The following NRL variants were observed in gnomAD, a reference collection of about 807,000 sequenced individuals.
NRL encodes the protein neural retina leucine zipper.
NRL carries 16 observed loss-of-function variants against 12.5 expected under a neutral mutation model. That is an observed-to-expected ratio of 1.28 (90% confidence interval 0.87 to 1.95). NRL has a LOEUF of 1.95. Ranked by LOEUF, NRL falls within the 30% of genes most tolerant of loss-of-function variation. NRL has a pLI of 0.00. For synonymous variants in NRL, 142 were observed against 150.9 expected, an observed-to-expected ratio of 0.94 and a Z score of 0.43; for missense variants, 314 against 325.8, an observed-to-expected ratio of 0.96 and a Z score of 0.28.
At chr14:24,105,095 T>C (rs1054578419) in intron 1 of NRL, among the ~76,000 whole-genome samples, 7 of 152,246 alleles carry the variant, frequency 4.6e-5, no homozygotes, top group African/African-American at 1.7e-4. Flanking sequence ...GTGATAAGCA[T>C]TGTTTTTATA....
At position 24,098,687 on chromosome 14, in the gene NRL, C is replaced by G. The variant is rs368666493; in HGVS notation, c.-27-15812G>C. ...GCCCCTGACAGGACAAGGTAAGCACCTGCTCTGCCCCAAGGGGAACACAGA... is the reference window on the plus strand; with the variant it reads ...GCCCCTGACAGGACAAGGTAAGCACGTGCTCTGCCCCAAGGGGAACACAGA... On this transcript the variant is annotated intron_variant, in intron 1 of 2. Coordinates refer to ENST00000561028, the MANE Select transcript of NRL (RefSeq NM_001354768.3). 9 of 1,611,040 alleles carry G rather than the reference C, an allele frequency of 5.6e-6. No individual in the cohort carries two copies. The highest frequency in any genetic ancestry group is 7.6e-6 in the Non-Finnish European group (9 of 1,178,024).
In NRL at chr14:24,093,927, CCCT is replaced by C. The variant is rs774296211; in HGVS notation, c.-27-11055_-27-11053del. On this transcript the variant is annotated intron_variant, in intron 1 of 2. Transcript: ENST00000561028. The stretch of plus-strand genomic sequence containing the variant: ...GGAACTGGAAAGGCAATGCCCAACC[CCCT>C]AACTTCTAGACGTCTGGCCCCTGTA... 2.7e-5 allele frequency: 12 copies of C among 449,958 alleles called. No homozygotes were observed. The Middle Eastern group carries it at 1.2e-3, about 46-fold the overall frequency. The allele number at this position is 449,958 out of a possible 1,614,324, so 27.9% of individuals were successfully genotyped here.
At chr14:24,103,772 A>G in intron 1 of NRL, 1 of 1,614,184 alleles carries the variant, frequency 6.2e-7, no homozygotes. Context: ...GGCTGGTGCC[A>G]AAGGAAGGAG....
At chr14:24,107,528 G>T (rs1421888119) in intron 1 of NRL, among the ~76,000 whole-genome samples, 1 of 151,908 alleles carries the variant, frequency 6.6e-6, no homozygotes, top group East Asian at 1.9e-4. Context: ...GGATACTATG[G>T]TGAGTAATAA....
Position 24,081,625 on chromosome 14 carries a change from T to C in NRL, c.382-57A>G. 3 of 1,545,812 alleles carry C rather than the reference T, an allele frequency of 1.9e-6. No individual in the cohort carries two copies. The highest frequency in any genetic ancestry group is 2.4e-5 in the East Asian group (1 of 41,116). ...CGCCAGGTCGCACCCGGCTCTGCCC[T>C]GAGGGCCCGACGCTACCTGGCTCCG... On this transcript the variant is annotated intron_variant, in intron 2 of 2. Transcript: ENST00000561028. The surrounding 1 kb of genome is among the most constrained non-coding windows in gnomAD (Gnocchi z 4.4).
intron 1 of NRL, chr14:24,098,267 C>T: frequency 6.2e-7 from 1 of 1,614,140 alleles, no homozygotes; most frequent in South Asian, 1.1e-5. Flanking sequence ...GATTGTAACT[C>T]CTTCTCAGCG....
At position 24,108,346 on chromosome 14, in the gene NRL, G is replaced by C. The variant is rs2037369737; in HGVS notation, c.-28+6376C>G. Among the ~76,000 whole-genome samples, 3 of 152,086 alleles carry C rather than the reference G, an allele frequency of 2.0e-5. No individual in the cohort carries two copies. The South Asian group carries it at 6.2e-4, about 32-fold the overall frequency. On this transcript the variant is annotated intron_variant, in intron 1 of 2. Transcript: ENST00000561028. ...TGTTCTATTCAAAATCAGGGCTAAA[G>C]GGTTTTCTGGAAACATGGTCTTGCT...
intron 1 of NRL, chr14:24,103,659 G>A (rs1256642319): frequency 1.2e-6 from 2 of 1,614,218 alleles, no homozygotes; most frequent in Admixed American, 1.7e-5. Flanking sequence ...GCGTGACGAG[G>A]CAGGGCACTT....
intron 1 of NRL, chr14:24,100,169 C>T: frequency 6.2e-7 from 1 of 1,614,110 alleles, no homozygotes; most frequent in East Asian, 2.2e-5. Flanking sequence ...CCTCTTCCAC[C>T]TGGTGTTACT....
chr14:24,103,302 C>A (rs756402379), intron 1 of NRL: 8 of 1,439,428 alleles, frequency 5.6e-6, no homozygotes, highest in Non-Finnish European at 7.8e-6. Context: ...GCACACAGCA[C>A]GTCCTCTCTC....
chr14:24,097,389 G>GAAA (rs529973280), intron 1 of NRL, among the ~76,000 whole-genome samples: 1 of 118,700 alleles, frequency 8.4e-6, no homozygotes, highest in Non-Finnish European at 1.8e-5. Context: ...CGTCTCTACT[G>GAAA]AAAAAAAAAA....
In NRL at chr14:24,085,474, C is replaced by G. The variant is rs1258717900; in HGVS notation, c.-27-2599G>C. Among the ~76,000 whole-genome samples, 8 of 152,152 alleles carry G rather than the reference C, an allele frequency of 5.3e-5. No homozygotes were observed. The highest frequency in any genetic ancestry group is 1.9e-4 in the African/African-American group (8 of 41,416). The stretch of plus-strand genomic sequence containing the variant: ...GTGACCTACATTTTCAGCCTAATCC[C>G]CTAACACCTCTTAGAGCTATCATCC... On this transcript the variant is annotated intron_variant, in intron 1 of 2. Transcript: ENST00000561028. This position sits in a 1 kb window ranked among gnomAD's most constrained non-coding sequence, Gnocchi z 4.1.
intron 1 of NRL, among the ~76,000 whole-genome samples, chr14:24,105,641 G>A (rs370978593): frequency 5.9e-5 from 9 of 152,308 alleles, no homozygotes; most frequent in Admixed American, 1.3e-4. Flanking sequence ...CTATTCCACC[G>A]GGCGCAGTGG....
In NRL at chr14:24,100,091, G is replaced by A. The variant is rs766537338; in HGVS notation, c.-28+14631C>T. 5.0e-6 allele frequency: 8 copies of A among 1,612,572 alleles called. No homozygotes were observed. In the Admixed American group the frequency reaches 8.3e-5, roughly 17 times the overall value. On this transcript the variant is annotated intron_variant, in intron 1 of 2. Coordinates refer to ENST00000561028, the MANE Select transcript of NRL (RefSeq NM_001354768.3). Reference sequence around the variant, plus strand: ...CCCAACGCCATGGCTACAATCCAGAGTAACACTATTTTTACCAATGTGGCT... The same window carrying A: ...CCCAACGCCATGGCTACAATCCAGAATAACACTATTTTTACCAATGTGGCT...
chr14:24,099,909 AG>A, intron 1 of NRL: 1 of 1,612,268 alleles, frequency 6.2e-7, no homozygotes, highest in Non-Finnish European at 8.5e-7. Context: ...ATCTCAGGAC[AG>A]GGGTGGGTGG....
At chr14:24,083,365 A>G (rs771990822) in intron 1 of NRL, among the ~76,000 whole-genome samples, 3 of 152,204 alleles carry the variant, frequency 2.0e-5, no homozygotes, top group Non-Finnish European at 1.5e-5. Flanking sequence ...CTGTCTCTCA[A>G]AGCACTCAGG....
At chr14:24,090,264 TCGGG>T (rs2036577608) in intron 1 of NRL, among the ~76,000 whole-genome samples, 1 of 1,236 alleles carries the variant, frequency 8.1e-4, no homozygotes, top group Non-Finnish European at 2.4e-3. Flanking sequence ...GGTGGTTTAC[TCGGG>T]GGGGGGGGGG....
Position 24,080,045 on chromosome 14 carries a change from T to TCTCTATCCCTCTCTCTCC in NRL, c.*1190_*1191insGGAGAGAGAGGGATAGAG, listed in dbSNP as rs1555338738. 1 of 151,956 alleles carries TCTCTATCCCTCTCTCTCC rather than the reference T, an allele frequency of 6.6e-6. No individual in the cohort carries two copies. The highest frequency in any genetic ancestry group is 1.5e-5 in the Non-Finnish European group (1 of 67,926). 9.4% of individuals were successfully genotyped at this position (151,956 alleles called of 1,614,324 possible). On this transcript the variant is annotated 3_prime_UTR_variant, in exon 3 of 3. Coordinates refer to ENST00000561028, the MANE Select transcript of NRL (RefSeq NM_001354768.3). ...GGACTTCCCTTTTTCTTGCTCTCTC[T>TCTCTATCCCTCTCTCTCC]CTCTCTCCCTCTCTCTCCCTCTCCC...
chr14:24,081,807 G>A lies in NRL; in HGVS notation c.382-239C>T. 1 of 1,475,300 alleles carries A rather than the reference G, an allele frequency of 6.8e-7. No homozygotes were observed. Among genetic ancestry groups the A allele is most frequent in the Admixed American group, 2.4e-5 (1 of 42,412 alleles). 91.4% of individuals were successfully genotyped at this position (1,475,300 alleles called of 1,614,324 possible). A position where few individuals can be genotyped will look rare whatever the true frequency, so the allele number is the denominator to read the frequency against. On this transcript the variant is annotated intron_variant, in intron 2 of 2. Transcript: ENST00000561028. The surrounding 1 kb of genome is among the most constrained non-coding windows in gnomAD (Gnocchi z 4.4). ...GGCGGGCGCCCCACGGTGCAGGGCC[G>A]GCCACGGTCAGGCGAGCCCGTCGCG... is the stretch of plus-strand genomic sequence containing the variant.
Sources: gnomAD v4.1 joint callset for allele counts (sites outside exome capture counted in the v4.1 genomes callset) on GRCh38, gnomAD v4.1.1 for gene constraint, Gnocchi (gnomAD v3.1) non-coding constraint, MANE v1.5 for transcripts, NCBI Gene and HGNC (gene_info 2026-07-23, HGNC 2026-07-21) for gene names.